NUP107: variants seen among roughly 807,000 people sequenced by gnomAD.
NUP107 encodes nucleoporin 107.
Under a neutral mutation model 141.0 loss-of-function variants are expected in NUP107, and 101 were observed. That is an observed-to-expected ratio of 0.72 (90% CI 0.61 to 0.84). The LOEUF (loss-of-function observed/expected upper bound fraction) is 0.84, where lower values mean the gene tolerates loss of function less well. Among genes scored for constraint, NUP107 ranks in the 40% least tolerant of loss-of-function variants. NUP107 has a pLI of 0.00. For missense variants in NUP107, 941 were observed against 1,102.7 expected (o/e 0.85, Z 2.08); for synonymous variants, 319 against 363.9 (o/e 0.88, Z 1.41).
At chr12:68,706,206 A>G in intron 8 of NUP107, 1 of 767,114 alleles carries the variant, frequency 1.3e-6, no homozygotes, top group South Asian at 1.3e-5. Flanking sequence ...GAGATGGAGA[A>G]TGAATTTGTC....
chr12:68,707,889 G>A (rs996364678), intron 8 of NUP107, among the ~76,000 whole-genome samples: 4 of 152,246 alleles, frequency 2.6e-5, no homozygotes, highest in African/African-American at 9.6e-5. Context: ...TTGAGGCCAG[G>A]AATTTGAAAT....
At chr12:68,706,455 A>G in intron 8 of NUP107, 1 of 742,052 alleles carries the variant, frequency 1.3e-6, no homozygotes, top group Non-Finnish European at 2.4e-6. Flanking sequence ...GCCAACCACA[A>G]CCAGGCTGAG....
intron 6 of NUP107, among the ~76,000 whole-genome samples, 175 bp from the exon 7 acceptor site, chr12:68,700,551 C>T (rs983083454): frequency 1.3e-5 from 2 of 152,072 alleles, no homozygotes; most frequent in Admixed American, 1.3e-4. Context: ...AAATTAGATC[C>T]ATTTCTAGTG....
chr12:68,734,852 T>C lies in NUP107; in HGVS notation c.2388+19T>C, dbSNP rs1565704014. On this transcript the variant is annotated intron_variant, in intron 25 of 27. Transcript: ENST00000229179. Reference sequence around the variant, plus strand: ...ATATGAAGTAAGTTAAATATGGATCTAGGATGTGCCTACTGCATCTTATAA... The same window carrying C: ...ATATGAAGTAAGTTAAATATGGATCCAGGATGTGCCTACTGCATCTTATAA... The C allele has an allele frequency of 6.2e-7, 1 of 1,606,524 alleles. No individual in the cohort carries two copies. The highest frequency in any genetic ancestry group is 2.2e-5 in the East Asian group (1 of 44,744).
At chr12:68,688,819 C>G (rs1424816890) in intron 1 of NUP107, 143 bp from the exon 2 acceptor site, 1 of 505,654 alleles carries the variant, frequency 2.0e-6, no homozygotes, top group Non-Finnish European at 3.5e-6. Context: ...GGAGTGCGTT[C>G]TCAACAAAAG....
At chr12:68,687,176 C>T in intron 1 of NUP107, 103 bp downstream of exon 1, 2 of 1,508,548 alleles carry the variant, frequency 1.3e-6, no homozygotes, top group Non-Finnish European at 1.8e-6. Flanking sequence ...CAAGGAGGTC[C>T]CGGGTGCTTC....
rs1246724961 is a variant in NUP107 at position 68,741,713 on chromosome 12, C to A, written c.2503-100C>A. 5.8e-6 allele frequency: 6 copies of A among 1,029,370 alleles called. No homozygotes were observed. The African/African-American group carries it at 8.0e-5, about 14-fold the overall frequency. The allele number at this position is 1,029,370 out of a possible 1,614,324, so 63.8% of individuals were successfully genotyped here. ...ATACTTTTTTGCTGTTAAATCTTGT[C>A]TACCAATTACATTCTGGGTTTGATT... On this transcript the variant is annotated intron_variant, in intron 26 of 27. Coordinates refer to ENST00000229179, the MANE Select transcript of NUP107 (RefSeq NM_020401.4).
In NUP107 at chr12:68,726,344, CTG is replaced by C. The variant is rs1308179146; in HGVS notation, c.1577-153_1577-152del. On this transcript the variant is annotated intron_variant, in intron 18 of 27. Coordinates refer to ENST00000229179, the MANE Select transcript of NUP107 (RefSeq NM_020401.4). Reference sequence around the variant, plus strand: ...ATAAAGTTCGGATTGAACCCAAACTCTGTTTCAAAGAGGGTGTAGAGTTATAT... The same window carrying C: ...ATAAAGTTCGGATTGAACCCAAACTCTTTCAAAGAGGGTGTAGAGTTATAT... Among the ~76,000 whole-genome samples, 3 of 152,298 alleles carry C rather than the reference CTG, an allele frequency of 2.0e-5. No homozygotes were observed. In the East Asian group the frequency reaches 5.8e-4, roughly 29 times the overall value.
chr12:68,705,974 A>G, intron 8 of NUP107: 2 of 900,584 alleles, frequency 2.2e-6, no homozygotes, highest in South Asian at 1.3e-5. Context: ...TTCCTGCAGC[A>G]GCAGAACAAG....
At chr12:68,706,989 G>A (rs1282945794) in intron 8 of NUP107, 1 of 634,226 alleles carries the variant, frequency 1.6e-6, no homozygotes, top group South Asian at 1.8e-5. Context: ...AGCTGCACCA[G>A]CTCCACCAGG....
In NUP107 at chr12:68,737,894, A is replaced by G. The variant is rs544357222; in HGVS notation, c.2502+2550A>G. ...GGTGGCTCATCCCTATAATCCCAGC[A>G]CTTTTGGGAGGCCGAGGAGGGCAGA... On this transcript the variant is annotated intron_variant, in intron 26 of 27. Transcript: ENST00000229179. Among the ~76,000 whole-genome samples, 47 of 152,182 alleles carry G rather than the reference A, an allele frequency of 3.1e-4. 1 individual carries two copies. Among genetic ancestry groups the G allele is most frequent in the Non-Finnish European group, 5.4e-4 (37 of 68,012 alleles).
At position 68,719,418 on chromosome 12, in the gene NUP107, T is replaced by G; in HGVS notation, c.1161T>G (p.Pro387=). ...TLEGWKLYHD[P]NVNGGTELEP... is the part of the protein sequence containing the mutation. ...AAGGCTGGAAACTGTACCATGACCC[T>G]AATGTTAATGGAGGTATTTTAGTAG... is the stretch of plus-strand genomic sequence containing the variant. The change falls in exon 13 of 28, where the codon CCT becomes CCG. Residue 387 remains proline, a synonymous_variant. Coordinates refer to ENST00000229179, the MANE Select transcript of NUP107 (RefSeq NM_020401.4). 6.2e-7 allele frequency: 1 copy of G among 1,613,684 alleles called. No individual in the cohort carries two copies. The highest frequency in any genetic ancestry group is 8.5e-7 in the Non-Finnish European group (1 of 1,179,596).
intron 27 of NUP107, 82 bp downstream of exon 27, chr12:68,742,062 A>G: frequency 8.8e-7 from 1 of 1,136,890 alleles, no homozygotes. Flanking sequence ...AGATGTGTTT[A>G]CATTTGTAAT....
intron 14 of NUP107, among the ~76,000 whole-genome samples, chr12:68,720,417 A>G (rs1043923123): frequency 2.0e-5 from 3 of 152,168 alleles, no homozygotes; most frequent in African/African-American, 7.2e-5. Flanking sequence ...GAAAAAATAT[A>G]CTTAAAATTA....
Position 68,733,466 on chromosome 12 carries a change from G to A in NUP107, c.2116G>A (p.Glu706Lys), listed in dbSNP as rs137926255. Residue 706 changes from glutamate to lysine, a missense_variant, in exon 24 of 28, where the codon GAA (glutamate) becomes AAA (lysine). Coordinates refer to ENST00000229179, the MANE Select transcript of NUP107 (RefSeq NM_020401.4). Reference protein sequence around the residue: ...MRKFLASKKHEAAKEVFVKIP... With the variant: ...MRKFLASKKHKAAKEVFVKIP... ...TTTTTTCACAGCATCAAAAAAGCACGAAGCTGCAAAAGAAGTATTTGTGAA... is the reference window on the plus strand; with the variant it reads ...TTTTTTCACAGCATCAAAAAAGCACAAAGCTGCAAAAGAAGTATTTGTGAA... The A allele has an allele frequency of 8.1e-6, 13 of 1,609,802 alleles. No homozygotes were observed. The highest frequency in any genetic ancestry group is 8.0e-5 in the African/African-American group (6 of 74,700).
chr12:68,703,921 G>A (rs1444362827), intron 8 of NUP107, among the ~76,000 whole-genome samples: 2 of 152,100 alleles, frequency 1.3e-5, no homozygotes, highest in African/African-American at 2.4e-5. Flanking sequence ...TAATAATGCA[G>A]TAAATAGTTT....
At chr12:68,696,224 G>C (rs1876045630) in intron 5 of NUP107, among the ~76,000 whole-genome samples, 1 of 151,970 alleles carries the variant, frequency 6.6e-6, no homozygotes, top group African/African-American at 2.4e-5. Context: ...AGTTGGCTGG[G>C]CATGGTGGCA....
chr12:68,721,810 T>C, intron 15 of NUP107, 31 bp from the exon 16 acceptor site: 1 of 1,604,110 alleles, frequency 6.2e-7, no homozygotes, highest in South Asian at 1.1e-5. Context: ...TGAATATGTC[T>C]ATATGTTTCT....
At chr12:68,713,838 T>G in intron 11 of NUP107, 30 bp downstream of exon 11, 1 of 1,556,710 alleles carries the variant, frequency 6.4e-7, no homozygotes, top group Non-Finnish European at 8.7e-7. Context: ...AAAGTTGCCT[T>G]CAAAGTTAAC....
Sources: allele counts gnomAD v4.1 joint callset (sites outside exome capture counted in the v4.1 genomes callset), GRCh38; gene constraint gnomAD v4.1.1; transcripts MANE v1.5; gene names NCBI Gene and HGNC (gene_info 2026-07-23, HGNC 2026-07-21).